The following SP3 variants were observed in gnomAD, a reference collection of about 807,000 sequenced individuals.
The protein encoded by SP3 is transcription factor Sp3.
In SP3, 10 loss-of-function variants were observed where a neutral mutation model predicts 70.3. That is an observed-to-expected ratio of 0.14 (90% confidence interval 0.09 to 0.24). The LOEUF (loss-of-function observed/expected upper bound fraction) is 0.24. Among genes scored for constraint, SP3 ranks in the 10% least tolerant of loss-of-function variants. SP3 has a pLI of 1.00. For synonymous variants in SP3, 402 were observed against 333.5 expected (o/e 1.21, Z -2.24); for missense variants, 825 against 914.6 (o/e 0.90, Z 1.26).
rs1054845028 is a variant in SP3, at chr2:173,902,482, A to C, written c.*7459T>G. 1.3e-4 allele frequency among the ~76,000 whole-genome samples: 20 copies of C among 152,240 alleles called. No homozygotes were observed. The highest frequency in any genetic ancestry group is 4.3e-4 in the African/African-American group (18 of 41,454). ...CCAGTGATTCAAGTTCTAGATACAT[A>C]TCTCAAGAAATGCTCACATGTACAC... On this transcript the variant is annotated 3_prime_UTR_variant, in exon 7 of 7. Coordinates refer to ENST00000310015, the MANE Select transcript of SP3 (RefSeq NM_003111.5).
At chr2:173,949,696 T>C (rs1250653590) in intron 4 of SP3, among the ~76,000 whole-genome samples, 1 of 151,524 alleles carries the variant, frequency 6.6e-6, no homozygotes, top group Non-Finnish European at 1.5e-5. Context: ...ATAAGGCTTC[T>C]ATTTTCTCAA....
rs185224541 is a variant in SP3 at position 173,904,562 on chromosome 2, G to T, written c.*5379C>A. Reference sequence around the variant, plus strand: ...AAGAAAGCCATTTTCTTTTTCTTCTGGGGTTGAATGTCATCTTTGCTTTCT... The same window carrying T: ...AAGAAAGCCATTTTCTTTTTCTTCTTGGGTTGAATGTCATCTTTGCTTTCT... On this transcript the variant is annotated 3_prime_UTR_variant, in exon 7 of 7. Coordinates refer to ENST00000310015, the MANE Select transcript of SP3 (RefSeq NM_003111.5). Among the ~76,000 whole-genome samples the T allele has an allele frequency of 3.8e-3, 576 of 152,280 alleles. 2 individuals are homozygous for T. The highest frequency in any genetic ancestry group is 6.8e-3 in the Non-Finnish European group (462 of 68,024).
rs1017956383 is a variant in SP3, at chr2:173,901,737, T to G, written c.*8204A>C. Among the ~76,000 whole-genome samples the G allele has an allele frequency of 6.9e-6, 1 of 144,242 alleles. No individual in the cohort carries two copies. Among genetic ancestry groups the G allele is most frequent in the African/African-American group, 2.6e-5 (1 of 38,892 alleles). The allele number at this position is 144,242 out of a possible 152,430, so 94.6% of individuals were successfully genotyped here. ...TTTTTTTTGAGACGAAATCTTGCTCTGTCGCCCAGGCTGGAGTGCAGTGGT... is the reference window on the plus strand; with the variant it reads ...TTTTTTTTGAGACGAAATCTTGCTCGGTCGCCCAGGCTGGAGTGCAGTGGT... On this transcript the variant is annotated 3_prime_UTR_variant, in exon 7 of 7. Coordinates refer to ENST00000310015, the MANE Select transcript of SP3 (RefSeq NM_003111.5).
chr2:173,965,522 A>G (rs1691268168), upstream of SP3: 7 of 270,670 alleles, frequency 2.6e-5, no homozygotes, highest in South Asian at 3.0e-4. Flanking sequence ...AGAGACAATG[A>G]GCGGCCGTGG....
At chr2:173,951,421 TAC>T (rs968695527) in intron 4 of SP3, among the ~76,000 whole-genome samples, 1 of 152,172 alleles carries the variant, frequency 6.6e-6, no homozygotes, top group African/African-American at 2.4e-5. Context: ...ATAAATCCAT[TAC>T]ACGTTAACAT....
rs568468653 is a variant in SP3 at position 173,905,848 on chromosome 2, A to G, written c.*4093T>C. Among the ~76,000 whole-genome samples, 1 of 152,254 alleles carries G rather than the reference A, an allele frequency of 6.6e-6. No homozygotes were observed. Among genetic ancestry groups the G allele is most frequent in the African/African-American group, 2.4e-5 (1 of 41,530 alleles). On this transcript the variant is annotated 3_prime_UTR_variant, in exon 7 of 7. Coordinates refer to ENST00000310015, the MANE Select transcript of SP3 (RefSeq NM_003111.5). ...ACCCCATCTCTACAAAACAAATTAA[A>G]ATTAACTGAGCATGGTGGTGTGCAC...
intron 3 of SP3, among the ~76,000 whole-genome samples, chr2:173,959,496 CG>C (rs1690993952): frequency 6.6e-6 from 1 of 152,068 alleles, no homozygotes; most frequent in Non-Finnish European, 1.5e-5. Flanking sequence ...GAGGCTGAGG[CG>C]GGCAGATCAC....
Position 173,934,871 on chromosome 2 carries a change from G to C in SP3, c.1640-16086C>G, listed in dbSNP as rs532652453. Among the ~76,000 whole-genome samples, 3 of 152,184 alleles carry C rather than the reference G, an allele frequency of 2.0e-5. No individual in the cohort carries two copies. In the South Asian group the frequency reaches 6.2e-4, roughly 32 times the overall value. On this transcript the variant is annotated intron_variant, in intron 4 of 6. Transcript: ENST00000310015. The stretch of plus-strand genomic sequence containing the variant: ...CATCTTCACTTAAACATTCAAGAAA[G>C]AATTTTGGCATATAAGAGGATCCAA...
At chr2:173,916,935 A>C (rs933607936) in intron 5 of SP3, 6 of 152,134 alleles carry the variant, frequency 3.9e-5, no homozygotes, top group Non-Finnish European at 5.9e-5. Context: ...AGACTTGAAA[A>C]TATGGTCACA....
rs187939719 is a variant in SP3 at position 173,931,482 on chromosome 2, T to C, written c.1640-12697A>G. Among the ~76,000 whole-genome samples, 9 of 152,266 alleles carry C rather than the reference T, an allele frequency of 5.9e-5. 1 individual carries two copies. In the East Asian group the frequency reaches 1.2e-3, roughly 20 times the overall value. The stretch of plus-strand genomic sequence containing the variant: ...CCTCAGCCTCCCGAGTAGCTAGGAC[T>C]ACAGGTGTGCGCCATCATGCCCGGC... On this transcript the variant is annotated intron_variant, in intron 4 of 6. Coordinates refer to ENST00000310015, the MANE Select transcript of SP3 (RefSeq NM_003111.5).
Position 173,909,949 on chromosome 2 carries a change from T to C in SP3, c.2338A>G (p.Met780Val), listed in dbSNP as rs185888392. ...QLVTVSGNET[M>V]E ...AAGTATTTGTGTAATATTTACTCCA[T>C]TGTCTCATTTCCAGAAACTGTGACA... The change falls in exon 7 of 7, where the codon ATG becomes GTG. Residue 780 changes from methionine to valine, a missense_variant. By Grantham distance (21) the Met-to-Val change is conservative. Coordinates refer to ENST00000310015, the MANE Select transcript of SP3 (RefSeq NM_003111.5). The C allele has an allele frequency of 3.1e-5, 50 of 1,612,590 alleles. No homozygotes were observed. The highest frequency in any genetic ancestry group is 1.7e-4 in the Admixed American group (10 of 60,008).
At chr2:173,931,826 C>T (rs1208129205) in intron 4 of SP3, among the ~76,000 whole-genome samples, 1 of 152,210 alleles carries the variant, frequency 6.6e-6, no homozygotes. Context: ...TCACCTCTAT[C>T]AGCATTCACA....
chr2:173,925,041 C>A (rs1689871589), intron 4 of SP3, among the ~76,000 whole-genome samples: 1 of 152,134 alleles, frequency 6.6e-6, no homozygotes, highest in Non-Finnish European at 1.5e-5. Flanking sequence ...GCATGCAACA[C>A]CACACCCGGC....
Position 173,906,492 on chromosome 2 carries a change from TTC to T in SP3, c.*3447_*3448del, listed in dbSNP as rs1268879114. On this transcript the variant is annotated 3_prime_UTR_variant, in exon 7 of 7. Coordinates refer to ENST00000310015, the MANE Select transcript of SP3 (RefSeq NM_003111.5). The stretch of plus-strand genomic sequence containing the variant: ...AAACATACTGTTTAGTGAAAAATAA[TTC>T]TTTTACAACAAAAACGATTGTTACC... 3 of 152,178 alleles carry T rather than the reference TTC, an allele frequency of 2.0e-5. No individual in the cohort carries two copies. Among genetic ancestry groups the T allele is most frequent in the Non-Finnish European group, 2.9e-5 (2 of 68,032 alleles). The allele number at this position is 152,178 out of a possible 1,614,324, so 9.4% of individuals were successfully genotyped here.
rs780008335 is a variant in SP3, at chr2:173,955,927, C to T, written c.585G>A (p.Gly195=). 2 of 1,614,152 alleles carry T rather than the reference C, an allele frequency of 1.2e-6. No homozygotes were observed. ...TTTGACTGCTTTCTTGATTTATACC[C>T]CCATTATCTGAAGAGCCTGTGAAAC... The part of the protein sequence containing the change: ...QIGFTGSSDN[G]GINQESSQIQ... The change falls in exon 4 of 7, where the codon GGG becomes GGA. Residue 195 remains glycine, a synonymous_variant. Transcript: ENST00000310015.
At chr2:173,934,674 G>A (rs888355560) in intron 4 of SP3, among the ~76,000 whole-genome samples, 1 of 151,872 alleles carries the variant, frequency 6.6e-6, no homozygotes, top group Non-Finnish European at 1.5e-5. Context: ...ACCAGCCTGA[G>A]CAACACAGCA....
intron 4 of SP3, among the ~76,000 whole-genome samples, chr2:173,928,234 G>A (rs1250197145): frequency 1.3e-5 from 2 of 152,156 alleles, no homozygotes; most frequent in Non-Finnish European, 2.9e-5. Context: ...AATGAAGATG[G>A]CCACGGCAGG....
At position 173,955,302 on chromosome 2, in the gene SP3, G is replaced by T. The variant is rs1559108545; in HGVS notation, c.1210C>A (p.Gln404Lys). The change falls in exon 4 of 7, where the codon CAG (glutamine) becomes AAG (lysine). Residue 404 changes from glutamine to lysine, a missense_variant. Around this residue, in one of 4 missense-constraint regions of SP3, gnomAD observed 678 missense variants for 651.6 expected, o/e 1.04. Coordinates refer to ENST00000310015, the MANE Select transcript of SP3 (RefSeq NM_003111.5). ...VVQHLQLQES[Q>K]QPTSQAQIVQ... ...ATTTGGGCTTGACTGGTTGGCTGCT[G>T]AGACTCTTGAAGTTGTAGATGCTGT... The T allele has an allele frequency of 6.2e-7, 1 of 1,614,104 alleles. No homozygotes were observed.
chr2:173,931,343 T>TG (rs1690059860), intron 4 of SP3, among the ~76,000 whole-genome samples: 2 of 134,802 alleles, frequency 1.5e-5, no homozygotes, highest in African/African-American at 6.6e-5. Flanking sequence ...AGCCTGGCAT[T>TG]TTTGTTGTTG....
Sources: gnomAD v4.1 joint callset for allele counts (sites outside exome capture counted in the v4.1 genomes callset) on GRCh38, gnomAD v4.1.1 for gene constraint, gnomAD v4.1.1 regional missense constraint, MANE v1.5 for transcripts, NCBI Gene and HGNC (gene_info 2026-07-23, HGNC 2026-07-21) for gene names.